The following MTOR variants were observed in gnomAD, a reference collection of about 807,000 sequenced individuals.
MTOR encodes the protein mechanistic target of rapamycin kinase.
A neutral mutation model predicts 319.8 loss-of-function variants in MTOR; 70 were observed. That is an observed-to-expected ratio of 0.22 (90% confidence interval 0.18 to 0.27). MTOR has a LOEUF of 0.27. Among genes scored for constraint, MTOR ranks in the 10% least tolerant of loss-of-function variants. The pLI, the probability that MTOR is intolerant of heterozygous loss-of-function variation, is 1.00. For missense variants in MTOR, 1,890 were observed against 3,274.4 expected, an observed-to-expected ratio of 0.58 and a Z score of 10.32; for synonymous variants, 1,183 against 1,211.4, an observed-to-expected ratio of 0.98 and a Z score of 0.49.
At chr1:11,178,256 C>A (rs1194524124) in intron 28 of MTOR, among the ~76,000 whole-genome samples, 1 of 152,168 alleles carries the variant, frequency 6.6e-6, no homozygotes, top group Admixed American at 6.5e-5. Context: ...GGCAAGCTGG[C>A]CCATTTGACT....
At chr1:11,226,211 AT>A (rs1355124793) in intron 19 of MTOR, 3 of 152,198 alleles carry the variant, frequency 2.0e-5, no homozygotes, top group African/African-American at 7.2e-5. Context: ...ACTCTTTAGT[AT>A]TCTCTTTATA....
At chr1:11,256,698 A>G (rs1356013587) in intron 4 of MTOR, among the ~76,000 whole-genome samples, 2 of 152,086 alleles carry the variant, frequency 1.3e-5, no homozygotes, top group Non-Finnish European at 2.9e-5. Flanking sequence ...CCCTCCTCAC[A>G]GTACTGCCTC....
In MTOR at chr1:11,128,865, G is replaced by T; in HGVS notation, c.5801C>A (p.Thr1934Asn). ...VEGVKAIQID[T>N]WLQVIPQLIA... ...ACCAAGTATCCTCACCTGTAGCCAG[G>T]TATCAATCTGGATGGCTTTCACCCC... The change falls in exon 41 of 58, where the codon ACC becomes AAC. Residue 1934 changes from threonine to asparagine, a missense_variant. Physicochemically the swap from Thr to Asn is moderately conservative, Grantham distance 65 (BLOSUM62 0). This residue lies in a region of MTOR where 249 missense variants were observed against 596.2 expected (regional missense o/e 0.42). Transcript: ENST00000361445. The surrounding 1 kb of genome is among the most constrained non-coding windows in gnomAD (Gnocchi z 5.3). The T allele has an allele frequency of 6.2e-7, 1 of 1,613,316 alleles. No homozygotes were observed. The highest frequency in any genetic ancestry group is 8.5e-7 in the Non-Finnish European group (1 of 1,179,472).
At chr1:11,202,893 G>C (rs938527533) in intron 26 of MTOR, among the ~76,000 whole-genome samples, 3 of 147,726 alleles carry the variant, frequency 2.0e-5, no homozygotes, top group Non-Finnish European at 4.5e-5. Flanking sequence ...GGGCAGCAGA[G>C]ACCCTGTTTC....
chr1:11,242,759 G>GGTCCC (rs1441547708), intron 9 of MTOR, among the ~76,000 whole-genome samples: 2 of 152,158 alleles, frequency 1.3e-5, no homozygotes, highest in African/African-American at 4.8e-5. Flanking sequence ...ATGACCCTTA[G>GGTCCC]GTCCCTTCAG....
chr1:11,156,357 T>C (rs189911911), intron 30 of MTOR, among the ~76,000 whole-genome samples: 1 of 152,338 alleles, frequency 6.6e-6, no homozygotes, highest in Admixed American at 6.5e-5. Context: ...ATTTTAACTA[T>C]TTTTTAAAAG....
chr1:11,253,187 T>C (rs11121710), intron 6 of MTOR, among the ~76,000 whole-genome samples: 97,609 of 151,914 alleles, frequency 0.64, 33,726 homozygotes, highest in East Asian at 0.91. Context: ...TCTCCCAGCT[T>C]CCTCCCCATA....
Position 11,167,084 on chromosome 1 carries a change from G to A in MTOR, c.4329+358C>T, listed in dbSNP as rs57195999. Among the ~76,000 whole-genome samples, 925 of 152,178 alleles carry A rather than the reference G, an allele frequency of 6.1e-3. 9 individuals carry two copies. The highest frequency in any genetic ancestry group is 0.02 in the African/African-American group (844 of 41,502). On this transcript the variant is annotated intron_variant, in intron 29 of 57. Transcript: ENST00000361445. ...CACAGGATGGGGAACATGACACACC[G>A]GGGCCTGTCGTGGAGTGTGGGGAGC...
At chr1:11,184,218 G>A (rs1645242511) in intron 28 of MTOR, among the ~76,000 whole-genome samples, 1 of 152,120 alleles carries the variant, frequency 6.6e-6, no homozygotes, top group African/African-American at 2.4e-5. Context: ...CCATTTCACA[G>A]GTTGGCAAAC....
chr1:11,203,081 C>T (rs569883012), intron 26 of MTOR, among the ~76,000 whole-genome samples: 14 of 150,792 alleles, frequency 9.3e-5, no homozygotes, highest in African/African-American at 2.4e-4. Context: ...GGCGTGGTGG[C>T]GTGTGCCTGT....
intron 31 of MTOR, among the ~76,000 whole-genome samples, chr1:11,148,433 T>C (rs1570994435): frequency 1.3e-5 from 2 of 152,112 alleles, no homozygotes; most frequent in South Asian, 4.2e-4. Flanking sequence ...ATTTCCTGAG[T>C]GATAGGAGTG....
At chr1:11,213,277 A>T (rs931372739) in intron 21 of MTOR, 122 bp downstream of exon 21, 1 of 1,019,512 alleles carries the variant, frequency 9.8e-7, no homozygotes, top group African/African-American at 1.6e-5. Context: ...TATTCTTGGG[A>T]TTCTGTCTTA....
chr1:11,199,719 G>A lies in MTOR; in HGVS notation c.3945-16C>T. 2 of 1,612,424 alleles carry A rather than the reference G, an allele frequency of 1.2e-6. No homozygotes were observed. Among genetic ancestry groups the A allele is most frequent in the South Asian group, 1.1e-5 (1 of 91,040 alleles). ...GAAGAGATCCCTGAAGGCAGAGAAG[G>A]TGGAAAATGGAGAGACCTCCCGTGC... On this transcript the variant is annotated splice_polypyrimidine_tract_variant and intron_variant, in intron 26 of 57. Transcript: ENST00000361445. The surrounding 1 kb of genome is among the most constrained non-coding windows in gnomAD (Gnocchi z 4.5).
chr1:11,241,493 C>T, intron 10 of MTOR, 60 bp downstream of exon 10: 3 of 1,550,396 alleles, frequency 1.9e-6, no homozygotes, highest in Non-Finnish European at 2.6e-6. Context: ...TTTAACAGTC[C>T]CAACACTGGG....
chr1:11,171,224 G>A lies in MTOR; in HGVS notation c.4254-3707C>T, dbSNP rs113153955. Among the ~76,000 whole-genome samples, 1,157 of 151,272 alleles carry A rather than the reference G, an allele frequency of 7.6e-3. 34 individuals are homozygous for A. The highest frequency in any genetic ancestry group is 0.027 in the African/African-American group (1,122 of 41,144). On this transcript the variant is annotated intron_variant, in intron 28 of 57. Transcript: ENST00000361445. ...AAAAAAAAAAGAAAAAGAAAATCCA[G>A]GAGTTCTAACAACTGTCTTCAATCT...
chr1:11,207,595 TC>T (rs1251183609), intron 25 of MTOR, among the ~76,000 whole-genome samples: 1,514 of 109,362 alleles, frequency 0.014, 52 homozygotes, highest in Admixed American at 0.1. Context: ...TTTTTTCAAT[TC>T]CTTTTTTTTT....
chr1:11,169,682 C>T (rs1222286793), intron 28 of MTOR, among the ~76,000 whole-genome samples: 1 of 152,110 alleles, frequency 6.6e-6, no homozygotes, highest in Non-Finnish European at 1.5e-5. Context: ...ATAAATAAGT[C>T]GTTTCAAAAA....
chr1:11,148,014 T>C (rs1187538627), intron 31 of MTOR, among the ~76,000 whole-genome samples: 3 of 152,146 alleles, frequency 2.0e-5, no homozygotes, highest in African/African-American at 7.2e-5. Context: ...GAAGGGCAGA[T>C]GGGGGTTCAT....
In MTOR at chr1:11,106,898, T is replaced by A. The variant is rs954526695; in HGVS notation, c.*587A>T. 21 of 1,364,008 alleles carry A rather than the reference T, an allele frequency of 1.5e-5. No homozygotes were observed. The African/African-American group carries it at 3.0e-4, about 20-fold the overall frequency. 84.5% of individuals were successfully genotyped at this position (1,364,008 alleles called of 1,614,324 possible). A position where few individuals can be genotyped will look rare whatever the true frequency, so the allele number is the denominator to read the frequency against. Reference sequence around the variant, plus strand: ...CAGGTCTTGAATTGAAGCGTGTGAGTCGCAGCATCACTGGGTCTGATGGAA... The same window carrying A: ...CAGGTCTTGAATTGAAGCGTGTGAGACGCAGCATCACTGGGTCTGATGGAA... On this transcript the variant is annotated 3_prime_UTR_variant, in exon 58 of 58. Transcript: ENST00000361445.
Sources: gnomAD v4.1 joint callset for allele counts (sites outside exome capture counted in the v4.1 genomes callset) on GRCh38, gnomAD v4.1.1 for gene constraint, gnomAD v4.1.1 regional missense constraint, Gnocchi (gnomAD v3.1) non-coding constraint, MANE v1.5 for transcripts, NCBI Gene and HGNC (gene_info 2026-07-23, HGNC 2026-07-21) for gene names.